BTBD9: variants seen among roughly 807,000 people sequenced by gnomAD.
BTBD9 encodes BTB/POZ domain-containing protein 9.
Under a neutral mutation model 64.3 loss-of-function variants are expected in BTBD9, and 49 were observed. That is an observed-to-expected ratio of 0.76 (90% confidence interval 0.61 to 0.97). The LOEUF is 0.97. BTBD9 is among the 50% of genes least tolerant of loss of function. The pLI, the probability that BTBD9 is intolerant of heterozygous loss-of-function variation, is 0.00. For missense variants in BTBD9, 598 were observed against 762.1 expected (o/e 0.78, Z 2.53); for synonymous variants, 260 against 274.7 (o/e 0.95, Z 0.53).
chr6:38,633,385 A>G (rs538900481), intron 1 of BTBD9, among the ~76,000 whole-genome samples: 1 of 152,362 alleles, frequency 6.6e-6, no homozygotes, highest in South Asian at 2.1e-4. Context: ...AAATGGAGAT[A>G]ATGTCAAATT....
At position 38,367,908 on chromosome 6, in the gene BTBD9, T is replaced by C. The variant is rs74293633; in HGVS notation, c.1155-22815A>G. Among the ~76,000 whole-genome samples the C allele has an allele frequency of 1.0e-4, 15 of 150,630 alleles. 1 individual carries two copies. Among genetic ancestry groups the C allele is most frequent in the South Asian group, 8.6e-4 (4 of 4,678 alleles). On this transcript the variant is annotated intron_variant, in intron 6 of 10. Coordinates refer to ENST00000481247, the MANE Select transcript of BTBD9 (RefSeq NM_001099272.2). ...GTAAACTCAATTCACTGTAATAAACTTTTCAGAGAGTATATGTGTGTAGTG... is the reference window on the plus strand; with the variant it reads ...GTAAACTCAATTCACTGTAATAAACCTTTCAGAGAGTATATGTGTGTAGTG...
chr6:38,299,206 A>C (rs1223350951), intron 7 of BTBD9, among the ~76,000 whole-genome samples: 1 of 152,196 alleles, frequency 6.6e-6, no homozygotes, highest in African/African-American at 2.4e-5. Context: ...TTATGGCTGC[A>C]TAGTATTCCA....
In BTBD9 at chr6:38,557,329, G is replaced by A. The variant is rs181028877; in HGVS notation, c.1154+20271C>T. Among the ~76,000 whole-genome samples the A allele has an allele frequency of 1.4e-3, 209 of 152,226 alleles. 1 individual carries two copies. Among genetic ancestry groups the A allele is most frequent in the African/African-American group, 4.5e-3 (189 of 41,552 alleles). Reference sequence around the variant, plus strand: ...CATTGCACTCCAGCCTGGGCGACAAGAGCAAGACTCAGTCTCAAAATAAAT... The same window carrying A: ...CATTGCACTCCAGCCTGGGCGACAAAAGCAAGACTCAGTCTCAAAATAAAT... On this transcript the variant is annotated intron_variant, in intron 6 of 10. Coordinates refer to ENST00000481247, the MANE Select transcript of BTBD9 (RefSeq NM_001099272.2).
intron 9 of BTBD9, among the ~76,000 whole-genome samples, chr6:38,213,382 TA>T (rs746383491): frequency 3.9e-4 from 56 of 144,774 alleles, no homozygotes; most frequent in East Asian, 1.2e-3. Context: ...ATCTCTGGAG[TA>T]AAAAAAAAAA....
intron 8 of BTBD9, 121 bp downstream of exon 8, chr6:38,288,151 C>G (rs545177651): frequency 9.3e-7 from 1 of 1,078,450 alleles, no homozygotes; most frequent in South Asian, 1.7e-5. Flanking sequence ...TTTCTTGATA[C>G]TTAGAGCAAA....
chr6:38,627,433 T>C (rs1778207706), intron 1 of BTBD9, among the ~76,000 whole-genome samples: 1 of 152,110 alleles, frequency 6.6e-6, no homozygotes, highest in South Asian at 2.1e-4. Flanking sequence ...AGAATAAACA[T>C]TAGAATATGC....
chr6:38,361,506 G>A (rs1245554145), intron 6 of BTBD9, among the ~76,000 whole-genome samples: 1 of 151,972 alleles, frequency 6.6e-6, no homozygotes, highest in Non-Finnish European at 1.5e-5. Flanking sequence ...TCATGCCACG[G>A]CGCTCCAGCC....
chr6:38,406,623 T>C (rs189256758), intron 6 of BTBD9, among the ~76,000 whole-genome samples: 2 of 152,332 alleles, frequency 1.3e-5, no homozygotes, highest in African/African-American at 2.4e-5. Flanking sequence ...GTCCTGGATA[T>C]GCAATCTTAA....
chr6:38,444,832 C>T (rs895546022), intron 6 of BTBD9, among the ~76,000 whole-genome samples: 1 of 152,200 alleles, frequency 6.6e-6, no homozygotes, highest in Non-Finnish European at 1.5e-5. Flanking sequence ...TGCTAAAAAG[C>T]TACTTGCCCC....
chr6:38,468,727 T>C (rs1161919168), intron 6 of BTBD9, among the ~76,000 whole-genome samples: 1 of 152,162 alleles, frequency 6.6e-6, no homozygotes. Flanking sequence ...CTATATAGAG[T>C]ATACCCAGAA....
intron 1 of BTBD9, among the ~76,000 whole-genome samples, chr6:38,623,380 TA>T (rs1778064501): frequency 6.6e-6 from 1 of 152,188 alleles, no homozygotes; most frequent in South Asian, 2.1e-4. Flanking sequence ...CCATAATAGC[TA>T]GTTTATCTAC....
At position 38,604,223 on chromosome 6, in the gene BTBD9, A is replaced by G. The variant is rs75856664; in HGVS notation, c.-27-6102T>C. 8.7e-3 allele frequency among the ~76,000 whole-genome samples: 1,332 copies of G among 152,346 alleles called. 18 individuals carry two copies. Among genetic ancestry groups the G allele is most frequent in the African/African-American group, 0.03 (1,257 of 41,580 alleles). On this transcript the variant is annotated intron_variant, in intron 1 of 10. Transcript: ENST00000481247. ...TTCCTGACATACCTTCTTCTCTGGG[A>G]AAGATTTTGAATGTCCAGTTAAGCT...
At chr6:38,399,449 C>T (rs1554146999) in intron 6 of BTBD9, among the ~76,000 whole-genome samples, 1 of 152,176 alleles carries the variant, frequency 6.6e-6, no homozygotes, top group Non-Finnish European at 1.5e-5. Flanking sequence ...CTTACTTAAA[C>T]TTTGTGTCAA....
intron 10 of BTBD9, among the ~76,000 whole-genome samples, chr6:38,188,931 T>TG (rs1761935926): frequency 6.6e-6 from 1 of 152,104 alleles, no homozygotes; most frequent in African/African-American, 2.4e-5. Context: ...CAGAGCCTGC[T>TG]GGCACCCTGA....
intron 4 of BTBD9, among the ~76,000 whole-genome samples, chr6:38,592,336 G>T (rs1776832262): frequency 6.6e-6 from 1 of 152,162 alleles, no homozygotes; most frequent in African/African-American, 2.4e-5. Context: ...CTGGGGAGGA[G>T]TTGAGAAATC....
intron 6 of BTBD9, among the ~76,000 whole-genome samples, chr6:38,371,943 C>T (rs1430644840): frequency 1.3e-5 from 2 of 152,136 alleles, no homozygotes; most frequent in Non-Finnish European, 1.5e-5. Flanking sequence ...TTTGTACATA[C>T]TAGTTTTAGA....
intron 6 of BTBD9, among the ~76,000 whole-genome samples, chr6:38,357,465 A>G (rs962501744): frequency 6.6e-6 from 1 of 152,148 alleles, no homozygotes; most frequent in African/African-American, 2.4e-5. Flanking sequence ...TTCAGAAGGG[A>G]GTGAGAATTG....
At chr6:38,511,761 A>G (rs2127411137) in intron 6 of BTBD9, among the ~76,000 whole-genome samples, 1 of 152,324 alleles carries the variant, frequency 6.6e-6, no homozygotes, top group South Asian at 2.1e-4. Context: ...TCTCACAGAT[A>G]TGGAAAAGTT....
chr6:38,398,159 AC>A (rs1207494339), intron 6 of BTBD9, among the ~76,000 whole-genome samples: 8 of 152,192 alleles, frequency 5.3e-5, no homozygotes, highest in Non-Finnish European at 8.8e-5. Flanking sequence ...CATGTTCCTA[AC>A]TACAAGGAGC....
Sources: gnomAD v4.1 joint callset for allele counts (sites outside exome capture counted in the v4.1 genomes callset) on GRCh38, gnomAD v4.1.1 for gene constraint, MANE v1.5 for transcripts, NCBI Gene and HGNC (gene_info 2026-07-23, HGNC 2026-07-21) for gene names.